GRIA2: variants seen among roughly 807,000 people sequenced by gnomAD.
GRIA2 encodes the protein glutamate receptor 2.
A neutral mutation model predicts 97.3 loss-of-function variants in GRIA2; 14 were observed. The ratio of observed to expected loss-of-function variants is 0.14; its 90% CI spans 0.10 to 0.23. The LOEUF (loss-of-function observed/expected upper bound fraction) is 0.23. Ranked by LOEUF, GRIA2 falls within the 10% of genes least tolerant of loss-of-function variation. GRIA2 has a pLI of 1.00. For synonymous variants in GRIA2, 412 were observed against 387.8 expected, an observed-to-expected ratio of 1.06 and a Z score of -0.73; for missense variants, 558 against 1,069.8, an observed-to-expected ratio of 0.52 and a Z score of 6.67.
chr4:157,316,005 T>C (rs1019259658), intron 4 of GRIA2, among the ~76,000 whole-genome samples: 2 of 152,160 alleles, frequency 1.3e-5, no homozygotes, highest in African/African-American at 4.8e-5. Flanking sequence ...CCAGTGCAAA[T>C]TTTTATATAG....
In GRIA2 at chr4:157,220,899, C is replaced by A. The variant is rs576585960; in HGVS notation, c.-144C>A. On this transcript the variant is annotated 5_prime_UTR_variant, in exon 1 of 16. Coordinates refer to ENST00000264426, the MANE Select transcript of GRIA2 (RefSeq NM_001083619.3). ...CTGGGAAATAGGGATTCTTCTGCCT[C>A]CACTTCAGGTTTTAGCAGCTTGGTG... 7 of 636,840 alleles carry A rather than the reference C, an allele frequency of 1.1e-5. No homozygotes were observed. Among genetic ancestry groups the A allele is most frequent in the African/African-American group, 1.8e-5 (1 of 54,674 alleles). The allele number at this position is 636,840 out of a possible 1,614,324, so 39.4% of individuals were successfully genotyped here.
At chr4:157,258,133 G>A (rs376542809) in intron 2 of GRIA2, among the ~76,000 whole-genome samples, 10 of 152,076 alleles carry the variant, frequency 6.6e-5, no homozygotes, top group African/African-American at 2.4e-4. Context: ...TGTTTAAACA[G>A]TATGAAATCT....
At chr4:157,301,498 T>C (rs902354659) in intron 2 of GRIA2, among the ~76,000 whole-genome samples, 1 of 152,228 alleles carries the variant, frequency 6.6e-6, no homozygotes, top group Non-Finnish European at 1.5e-5. Context: ...TGTGTAAATT[T>C]ACATATTACA....
At chr4:157,220,155 T>C (rs1051116602), upstream of GRIA2, 1 of 152,246 alleles carries the variant, frequency 6.6e-6, no homozygotes. Flanking sequence ...GTGAGGAGGA[T>C]GACAGGGCTT....
rs1729468981 is a variant in GRIA2 at position 157,221,032 on chromosome 4, T to C, written c.-11T>C. ...AAGGGGTATATTGTGGATGCTCTAC[T>C]TTTCTTGGAAATGCAAAAGATTATG... On this transcript the variant is annotated 5_prime_UTR_variant, in exon 1 of 16. Coordinates refer to ENST00000264426, the MANE Select transcript of GRIA2 (RefSeq NM_001083619.3). The C allele has an allele frequency of 6.8e-7, 1 of 1,464,770 alleles. No homozygotes were observed. Among genetic ancestry groups the C allele is most frequent in the Non-Finnish European group, 9.6e-7 (1 of 1,043,846 alleles). The allele number at this position is 1,464,770 out of a possible 1,614,324, so 90.7% of individuals were successfully genotyped here. A position where few individuals can be genotyped will look rare whatever the true frequency, so the allele number is the denominator to read the frequency against.
At chr4:157,263,533 A>C (rs1044024920) in intron 2 of GRIA2, among the ~76,000 whole-genome samples, 1 of 152,066 alleles carries the variant, frequency 6.6e-6, no homozygotes, top group South Asian at 2.1e-4. Flanking sequence ...TAATTCAGAA[A>C]ATATGGTCGA....
intron 2 of GRIA2, among the ~76,000 whole-genome samples, chr4:157,243,416 G>A (rs915292981): frequency 1.4e-4 from 22 of 152,096 alleles, no homozygotes; most frequent in African/African-American, 5.3e-4. Context: ...ATTTGGATCT[G>A]AGTCTGACTT....
intron 12 of GRIA2, among the ~76,000 whole-genome samples, chr4:157,351,005 A>G (rs1446684217): frequency 4.0e-5 from 6 of 151,198 alleles, no homozygotes. Context: ...TACAGTAGTA[A>G]TATCTGCAAA....
chr4:157,353,920 G>A (rs1256288849), intron 12 of GRIA2, among the ~76,000 whole-genome samples: 1 of 151,920 alleles, frequency 6.6e-6, no homozygotes, highest in Non-Finnish European at 1.5e-5. Flanking sequence ...TTTATTAACT[G>A]TAACCCTTTA....
At position 157,365,908 on chromosome 4, in the gene GRIA2, CAT is replaced by C. The variant is rs1736865566; in HGVS notation, c.*2479_*2480del. On this transcript the variant is annotated 3_prime_UTR_variant, in exon 16 of 16. Transcript: ENST00000264426. Reference sequence around the variant, plus strand: ...AAGTGGGTGTCAAACTCCAAGAAGACATACACTTTCTATAACTTCTATTGAAG... The same window carrying C: ...AAGTGGGTGTCAAACTCCAAGAAGACACACTTTCTATAACTTCTATTGAAG... The C allele has an allele frequency of 6.6e-6, 1 of 151,694 alleles. No homozygotes were observed. The highest frequency in any genetic ancestry group is 2.4e-5 in the African/African-American group (1 of 41,364). The allele number at this position is 151,694 out of a possible 1,614,324, so 9.4% of individuals were successfully genotyped here.
intron 1 of GRIA2, 64 bp downstream of exon 1, chr4:157,221,194 T>C: frequency 1.2e-6 from 1 of 859,802 alleles, no homozygotes; most frequent in African/African-American, 1.7e-5. Context: ...TTGTTCACAG[T>C]GTACAAATTA....
At chr4:157,287,967 G>C (rs1732920170) in intron 2 of GRIA2, among the ~76,000 whole-genome samples, 1 of 151,536 alleles carries the variant, frequency 6.6e-6, no homozygotes, top group African/African-American at 2.4e-5. Flanking sequence ...AAAAAGGAGA[G>C]TTTTGGAGAT....
intron 5 of GRIA2, among the ~76,000 whole-genome samples, chr4:157,318,087 T>G (rs1734405159): frequency 6.6e-6 from 1 of 152,150 alleles, no homozygotes; most frequent in South Asian, 2.1e-4. Context: ...AATTTCTTAT[T>G]ATTATAAATG....
intron 5 of GRIA2, among the ~76,000 whole-genome samples, chr4:157,319,427 A>G (rs1464509476): frequency 1.3e-5 from 2 of 152,200 alleles, no homozygotes; most frequent in Non-Finnish European, 2.9e-5. Flanking sequence ...AAAAAGAAAA[A>G]GCAAGTTCAT....
chr4:157,312,178 A>C (rs1181391347), intron 3 of GRIA2, among the ~76,000 whole-genome samples: 2 of 152,106 alleles, frequency 1.3e-5, no homozygotes, highest in Non-Finnish European at 2.9e-5. Context: ...GAGAAAATAT[A>C]GCAGCCTCAT....
At chr4:157,294,525 CAA>C (rs547010301) in intron 2 of GRIA2, among the ~76,000 whole-genome samples, 204 of 151,570 alleles carry the variant, frequency 1.3e-3, no homozygotes, top group African/African-American at 4.7e-3. Context: ...AAATGTAAAA[CAA>C]AGAGGAAGAA....
rs374906047 is a variant in GRIA2 at position 157,221,846 on chromosome 4, C to T, written c.229+39C>T. On this transcript the variant is annotated intron_variant, in intron 2 of 15. Coordinates refer to ENST00000264426, the MANE Select transcript of GRIA2 (RefSeq NM_001083619.3). ...ATTCATGCCTTTCGGGTGCTGCACG[C>T]GGAAGGCCAGCGAGTGTGAGTGTGT... is the stretch of plus-strand genomic sequence containing the variant. The T allele has an allele frequency of 9.4e-6, 15 of 1,598,824 alleles. No homozygotes were observed. The African/African-American group carries it at 1.7e-4, about 19-fold the overall frequency.
intron 2 of GRIA2, among the ~76,000 whole-genome samples, chr4:157,299,799 A>AAATT: frequency 6.6e-6 from 1 of 152,316 alleles, no homozygotes; most frequent in South Asian, 2.1e-4. Context: ...GATATTAAAT[A>AAATT]TTTAATTACA....
intron 2 of GRIA2, among the ~76,000 whole-genome samples, chr4:157,272,359 C>A (rs370113856): frequency 6.6e-6 from 1 of 151,932 alleles, no homozygotes. Flanking sequence ...GGGCAATTTG[C>A]CACCCCTAAA....
Sources: allele counts gnomAD v4.1 joint callset (sites outside exome capture counted in the v4.1 genomes callset), GRCh38; gene constraint gnomAD v4.1.1; transcripts MANE v1.5; gene names NCBI Gene and HGNC (gene_info 2026-07-23, HGNC 2026-07-21).